RNF150: variants seen among roughly 807,000 people sequenced by gnomAD.
RNF150 encodes the protein ring finger protein 150.
RNF150 carries 24 observed loss-of-function variants against 39.3 expected under a neutral mutation model. The observed-to-expected ratio is 0.61, with a 90% CI of 0.44 to 0.86. The LOEUF is 0.86. Ranked by LOEUF, RNF150 falls within the 40% of genes least tolerant of loss-of-function variation. RNF150 has a pLI of 0.00. For missense variants in RNF150, 502 were observed against 587.8 expected (o/e 0.85, Z 1.51); for synonymous variants, 255 against 227.3 (o/e 1.12, Z -1.10).
intron 1 of RNF150, among the ~76,000 whole-genome samples, chr4:141,178,714 G>A (rs2111184484): frequency 6.6e-6 from 1 of 151,866 alleles, no homozygotes; most frequent in East Asian, 1.9e-4. Flanking sequence ...CAGGGCAGGT[G>A]GGATCCATGT....
At chr4:141,175,632 C>T (rs1343572398) in intron 1 of RNF150, among the ~76,000 whole-genome samples, 1 of 152,194 alleles carries the variant, frequency 6.6e-6, no homozygotes, top group Non-Finnish European at 1.5e-5. Flanking sequence ...AAAGATAAGG[C>T]AAAGAGGTCA....
rs145456129 is a variant in RNF150 at position 141,017,045 on chromosome 4, T to G, written c.485-49172A>C. Reference sequence around the variant, plus strand: ...CTCCACATATGAATCCTCTCTACTCTGTAAAACACGTGAACATGTGCTACC... The same window carrying G: ...CTCCACATATGAATCCTCTCTACTCGGTAAAACACGTGAACATGTGCTACC... On this transcript the variant is annotated intron_variant, in intron 1 of 6. Transcript: ENST00000515673. Among the ~76,000 whole-genome samples the G allele has an allele frequency of 6.9e-3, 1,054 of 152,150 alleles. 15 individuals carry two copies. Among genetic ancestry groups the G allele is most frequent in the African/African-American group, 0.024 (1,005 of 41,446 alleles).
At chr4:140,926,454 T>A (rs555695416) in intron 4 of RNF150, among the ~76,000 whole-genome samples, 1 of 152,302 alleles carries the variant, frequency 6.6e-6, no homozygotes, top group East Asian at 1.9e-4. Flanking sequence ...TATGCAGAAT[T>A]TCTTTTCCCA....
At chr4:141,016,780 C>T (rs1735293826) in intron 1 of RNF150, among the ~76,000 whole-genome samples, 1 of 152,150 alleles carries the variant, frequency 6.6e-6, no homozygotes, top group Admixed American at 6.5e-5. Context: ...CTTGGCTCTC[C>T]TCTCCTCTCT....
In RNF150 at chr4:140,951,928, T is replaced by A. The variant is rs547345583; in HGVS notation, c.736-2556A>T. Among the ~76,000 whole-genome samples the A allele has an allele frequency of 9.6e-4, 140 of 145,772 alleles. 2 individuals are homozygous for A. The highest frequency in any genetic ancestry group is 1.8e-3 in the African/African-American group (69 of 37,578). On this transcript the variant is annotated intron_variant, in intron 2 of 6. Coordinates refer to ENST00000515673, the MANE Select transcript of RNF150 (RefSeq NM_020724.2). Reference sequence around the variant, plus strand: ...CACCTAATTCAATCACTTAAAAAAATTTTTTTTGAAGACTAACCAGAGTAA... The same window carrying A: ...CACCTAATTCAATCACTTAAAAAAAATTTTTTTGAAGACTAACCAGAGTAA...
intron 1 of RNF150, among the ~76,000 whole-genome samples, chr4:141,044,999 T>C (rs546471472): frequency 1.8e-3 from 268 of 152,344 alleles, no homozygotes; most frequent in Non-Finnish European, 3.1e-3. Flanking sequence ...ACAAGCATTA[T>C]GTCTTTTAAC....
intron 1 of RNF150, among the ~76,000 whole-genome samples, chr4:141,124,946 T>C (rs1377061209): frequency 6.6e-6 from 1 of 152,214 alleles, no homozygotes; most frequent in Non-Finnish European, 1.5e-5. Context: ...AACATGCCAA[T>C]GCATAAGCTT....
intron 2 of RNF150, among the ~76,000 whole-genome samples, chr4:140,951,010 G>T (rs561495885): frequency 6.6e-6 from 1 of 152,090 alleles, no homozygotes; most frequent in Non-Finnish European, 1.5e-5. Context: ...GAGAGAAAAA[G>T]AACTGAACTG....
intron 5 of RNF150, among the ~76,000 whole-genome samples, chr4:140,921,215 C>A (rs561462564): frequency 6.6e-6 from 1 of 150,674 alleles, no homozygotes; most frequent in African/African-American, 2.4e-5. Context: ...ATTGATAGAC[C>A]GCTAGCAAGA....
At chr4:141,139,134 G>A (rs546810315) in intron 1 of RNF150, among the ~76,000 whole-genome samples, 2 of 152,298 alleles carry the variant, frequency 1.3e-5, no homozygotes, top group Non-Finnish European at 2.9e-5. Flanking sequence ...AGGATCACTT[G>A]AGCACAGGAG....
intron 1 of RNF150, among the ~76,000 whole-genome samples, chr4:140,982,725 A>C (rs1330331875): frequency 2.0e-5 from 3 of 152,116 alleles, no homozygotes; most frequent in African/African-American, 7.2e-5. Flanking sequence ...TAAGAAATTA[A>C]GACCTTGAAG....
chr4:140,989,521 A>C lies in RNF150; in HGVS notation c.485-21648T>G, dbSNP rs143470729. The stretch of plus-strand genomic sequence containing the variant: ...AAAAGAGAGTGGGTGGCAGCCTATA[A>C]GTAGGTCTTTAAAACATTTAGAAAG... On this transcript the variant is annotated intron_variant, in intron 1 of 6. Coordinates refer to ENST00000515673, the MANE Select transcript of RNF150 (RefSeq NM_020724.2). Among the ~76,000 whole-genome samples, 459 of 152,288 alleles carry C rather than the reference A, an allele frequency of 3.0e-3. 5 individuals are homozygous for C. Among genetic ancestry groups the C allele is most frequent in the African/African-American group, 0.011 (440 of 41,580 alleles).
chr4:140,956,263 G>A (rs912309844), intron 2 of RNF150, among the ~76,000 whole-genome samples: 13 of 152,106 alleles, frequency 8.5e-5, no homozygotes, highest in Admixed American at 3.3e-4. Context: ...CAGGAACACC[G>A]CTTGCTGTTT....
At chr4:140,927,503 C>T (rs2111325004) in intron 4 of RNF150, among the ~76,000 whole-genome samples, 1 of 152,302 alleles carries the variant, frequency 6.6e-6, no homozygotes, top group Middle Eastern at 3.4e-3. Context: ...CCTTCTGCTC[C>T]AGCCTTGTGA....
At chr4:141,121,682 T>C (rs1425107759) in intron 1 of RNF150, among the ~76,000 whole-genome samples, 1 of 152,146 alleles carries the variant, frequency 6.6e-6, no homozygotes, top group Non-Finnish European at 1.5e-5. Flanking sequence ...AAACCATTAT[T>C]ATCAGTGAAT....
intron 1 of RNF150, among the ~76,000 whole-genome samples, chr4:141,101,740 G>A (rs944261882): frequency 9.2e-5 from 14 of 151,836 alleles, no homozygotes; most frequent in African/African-American, 2.9e-4. Context: ...CAGCTACAAC[G>A]TCACCAGGTT....
At chr4:141,100,550 G>A (rs1202193175) in intron 1 of RNF150, among the ~76,000 whole-genome samples, 2 of 152,140 alleles carry the variant, frequency 1.3e-5, no homozygotes, top group Non-Finnish European at 2.9e-5. Context: ...ATGCAGGAAC[G>A]GTTTTATTGC....
chr4:141,076,037 T>G (rs1737882677), intron 1 of RNF150, among the ~76,000 whole-genome samples: 3 of 152,304 alleles, frequency 2.0e-5, no homozygotes, highest in Admixed American at 2.0e-4. Context: ...GTCAATAATT[T>G]CAATAAAAAT....
chr4:140,983,540 T>C (rs890553550), intron 1 of RNF150, among the ~76,000 whole-genome samples: 8 of 152,150 alleles, frequency 5.3e-5, no homozygotes, highest in Admixed American at 3.9e-4. Context: ...ATAATGCATG[T>C]AGATCTTGCC....
Sources: allele counts gnomAD v4.1 joint callset (sites outside exome capture counted in the v4.1 genomes callset), GRCh38; gene constraint gnomAD v4.1.1; transcripts MANE v1.5; gene names NCBI Gene and HGNC (gene_info 2026-07-23, HGNC 2026-07-21).